Variants in RAD54L observed in about 807,000 individuals in gnomAD.
RAD54L encodes the protein DNA repair and recombination protein RAD54-like.
A neutral mutation model predicts 91.6 loss-of-function variants in RAD54L; 74 were observed. The observed-to-expected ratio is 0.81, with a 90% CI of 0.67 to 0.98. The LOEUF (loss-of-function observed/expected upper bound fraction) is 0.98, where lower values mean the gene tolerates loss of function less well. RAD54L is among the 50% of genes least tolerant of loss of function. The probability of loss-of-function intolerance (pLI) is 0.00; values close to 1 mark genes in which losing one functional copy is unlikely to be tolerated. For synonymous variants in RAD54L, 304 were observed against 349.7 expected (o/e 0.87, Z 1.46); for missense variants, 887 against 945.7 (o/e 0.94, Z 0.81).
At chr1:46,262,329 C>T (rs978890141) in intron 8 of RAD54L, among the ~76,000 whole-genome samples, 1 of 152,058 alleles carries the variant, frequency 6.6e-6, no homozygotes, top group East Asian at 1.9e-4. Context: ...ATCTCTTGAA[C>T]CCGGGAGGTG....
chr1:46,260,422 CAAG>C (rs1344305178), intron 5 of RAD54L, 117 bp from the exon 6 acceptor site: 1 of 1,073,338 alleles, frequency 9.3e-7, no homozygotes, highest in Admixed American at 1.8e-5. Context: ...ATTTATCAGC[CAAG>C]AAGGTCTTCT....
intron 3 of RAD54L, among the ~76,000 whole-genome samples, chr1:46,254,125 C>T (rs557962710): frequency 6.6e-6 from 1 of 152,082 alleles, no homozygotes; most frequent in South Asian, 2.1e-4. Flanking sequence ...CAGGCACCCG[C>T]CACCATACCT....
At chr1:46,259,749 C>T (rs1016090991) in intron 4 of RAD54L, among the ~76,000 whole-genome samples, 1 of 150,818 alleles carries the variant, frequency 6.6e-6, no homozygotes, top group African/African-American at 2.4e-5. Context: ...GCACTCCAGC[C>T]TGGGCAACAA....
intron 8 of RAD54L, among the ~76,000 whole-genome samples, chr1:46,262,273 G>C (rs931051525): frequency 6.6e-6 from 1 of 152,190 alleles, no homozygotes; most frequent in South Asian, 2.1e-4. Context: ...CGAGCGTGGT[G>C]GTGGGTGCCT....
chr1:46,271,896 T>C (rs1009800444), intron 10 of RAD54L, among the ~76,000 whole-genome samples: 4 of 152,026 alleles, frequency 2.6e-5, no homozygotes, highest in African/African-American at 9.7e-5. Context: ...GCCTCAGTCT[T>C]CTCTTGAAGA....
chr1:46,264,302 AAGG>A (rs1660208610), intron 8 of RAD54L, among the ~76,000 whole-genome samples: 1 of 152,186 alleles, frequency 6.6e-6, no homozygotes, highest in Non-Finnish European at 1.5e-5. Flanking sequence ...TACTCCAGGG[AAGG>A]AGAGGGTTTG....
intron 3 of RAD54L, among the ~76,000 whole-genome samples, chr1:46,258,305 CAAA>C (rs56952108): frequency 6.7e-5 from 6 of 89,002 alleles, no homozygotes; most frequent in Non-Finnish European, 2.5e-5. Flanking sequence ...CTGATGTAGC[CAAA>C]AAAAAAAAAA....
Position 46,265,804 on chromosome 1 carries a change from CAG to C in RAD54L, c.892-1652_892-1651del, listed in dbSNP as rs1660252027. On this transcript the variant is annotated intron_variant, in intron 8 of 17. Coordinates refer to ENST00000371975, the MANE Select transcript of RAD54L (RefSeq NM_003579.4). This position sits in a 1 kb window ranked among gnomAD's most constrained non-coding sequence, Gnocchi z 4.8. ...GGCAGAGTGGTACAGTGTCCAGACTCAGAGTCATACAGACCTGAGTTCAAATC... is the reference window on the plus strand; with the variant it reads ...GGCAGAGTGGTACAGTGTCCAGACTCAGTCATACAGACCTGAGTTCAAATC... Among the ~76,000 whole-genome samples the C allele has an allele frequency of 3.9e-5, 6 of 152,306 alleles. No individual in the cohort carries two copies. In the South Asian group the frequency reaches 1.2e-3, roughly 32 times the overall value.
At chr1:46,277,778 C>T (rs755616291) in intron 16 of RAD54L, 39 bp from the exon 17 acceptor site, 8 of 1,561,472 alleles carry the variant, frequency 5.1e-6, no homozygotes, top group Middle Eastern at 1.7e-4. Flanking sequence ...GATGGCTAAG[C>T]GCTGTATCTT....
At position 46,248,287 on chromosome 1, in the gene RAD54L, C is replaced by T. The variant is rs1659703398; in HGVS notation, c.-119C>T. On this transcript the variant is annotated 5_prime_UTR_variant, in exon 1 of 18. Transcript: ENST00000371975. ...CATGCCCCCTCTTTAATTAGCCGGT[C>T]CTCTCAATAATGTAGCAGCCCCCTC... The T allele has an allele frequency of 3.1e-6, 4 of 1,290,606 alleles. No individual in the cohort carries two copies. In the Admixed American group the frequency reaches 5.8e-5, roughly 19 times the overall value. 79.9% of individuals were successfully genotyped at this position (1,290,606 alleles called of 1,614,324 possible). A position where few individuals can be genotyped will look rare whatever the true frequency, so the allele number is the denominator to read the frequency against.
intron 12 of RAD54L, 34 bp downstream of exon 12, chr1:46,272,836 A>T: frequency 6.2e-7 from 1 of 1,613,446 alleles, no homozygotes; most frequent in Non-Finnish European, 8.5e-7. Flanking sequence ...GTCCTCTGTG[A>T]GAGTGAGCAA....
intron 3 of RAD54L, among the ~76,000 whole-genome samples, chr1:46,256,654 T>C (rs1659948837): frequency 6.6e-6 from 1 of 151,128 alleles, no homozygotes; most frequent in Non-Finnish European, 1.5e-5. Flanking sequence ...AAAAAGTCAA[T>C]AAAAGATTTT....
chr1:46,272,867 T>A, intron 12 of RAD54L, 65 bp downstream of exon 12: 1 of 1,601,672 alleles, frequency 6.2e-7, no homozygotes, highest in Non-Finnish European at 8.5e-7. Flanking sequence ...GTTCCTGTAG[T>A]GGCCTGGCAA....
chr1:46,266,766 A>G (rs1170038440), intron 8 of RAD54L, among the ~76,000 whole-genome samples: 1 of 152,114 alleles, frequency 6.6e-6, no homozygotes, highest in Non-Finnish European at 1.5e-5. Context: ...GCTGATGTGG[A>G]GGGGAGGACT....
rs1660539745 is a variant in RAD54L, at chr1:46,274,600, G to A, written c.1752G>A (p.Gly584=). ...GGGGCTGTGGCCTCAATCTCATTGG[G>A]GCTAACCGGCTGGTCATGTTTGACC... The part of the protein sequence containing the change: ...KAGGCGLNLI[G]ANRLVMFDPD... The change falls in exon 16 of 18, where the codon GGG becomes GGA. Residue 584 remains glycine (G), a synonymous_variant. Transcript: ENST00000371975. The A allele has an allele frequency of 6.2e-7, 1 of 1,613,802 alleles. No individual in the cohort carries two copies. The highest frequency in any genetic ancestry group is 1.7e-5 in the Admixed American group (1 of 60,018).
intron 10 of RAD54L, among the ~76,000 whole-genome samples, 197 bp from the exon 11 acceptor site, chr1:46,272,269 C>G (rs1032950837): frequency 2.0e-5 from 3 of 151,928 alleles, no homozygotes; most frequent in Non-Finnish European, 2.9e-5. Context: ...TCTTGAACTC[C>G]TGACCACAGG....
intron 3 of RAD54L, among the ~76,000 whole-genome samples, chr1:46,253,197 T>C (rs1417799930): frequency 2.0e-5 from 3 of 152,234 alleles, no homozygotes; most frequent in Non-Finnish European, 4.4e-5. Context: ...TTTTAAAAAA[T>C]CCATTGTCCA....
chr1:46,259,434 A>G (rs1447586232), intron 4 of RAD54L, among the ~76,000 whole-genome samples: 3 of 152,120 alleles, frequency 2.0e-5, no homozygotes, highest in African/African-American at 7.2e-5. Flanking sequence ...GAAGTTTGTA[A>G]TTGAATGGGA....
chr1:46,258,863 G>A, intron 4 of RAD54L, 117 bp downstream of exon 4: 8 of 865,170 alleles, frequency 9.2e-6, no homozygotes, highest in East Asian at 5.3e-5. Flanking sequence ...CCAGTCCAGC[G>A]GTGGCTGTGT....
Sources: gnomAD v4.1 joint callset for allele counts (sites outside exome capture counted in the v4.1 genomes callset) on GRCh38, gnomAD v4.1.1 for gene constraint, Gnocchi (gnomAD v3.1) non-coding constraint, MANE v1.5 for transcripts, NCBI Gene and HGNC (gene_info 2026-07-23, HGNC 2026-07-21) for gene names.